IL22RA2: variants seen among roughly 807,000 people sequenced by gnomAD.
The protein encoded by IL22RA2 is interleukin 22 receptor subunit alpha 2.
IL22RA2 carries 39 observed loss-of-function variants against 30.7 expected under a neutral mutation model. The ratio of observed to expected loss-of-function variants is 1.27; its 90% CI spans 0.98 to 1.66. The LOEUF (loss-of-function observed/expected upper bound fraction) is 1.66. IL22RA2 is among the 40% of genes most tolerant of loss of function. The pLI is 0.00. For missense variants in IL22RA2, 315 were observed against 312.7 expected (o/e 1.01, Z -0.05); for synonymous variants, 103 against 105.0 (o/e 0.98, Z 0.11).
chr6:137,161,604 A>G, intron 2 of IL22RA2, 85 bp downstream of exon 2: 1 of 1,137,168 alleles, frequency 8.8e-7, no homozygotes, highest in South Asian at 1.3e-5. Context: ...AAAGTTCAAA[A>G]AAGCACCAGT....
intron 1 of IL22RA2, among the ~76,000 whole-genome samples, chr6:137,167,076 T>A (rs1778640231): frequency 6.6e-6 from 1 of 152,242 alleles, no homozygotes; most frequent in African/African-American, 2.4e-5. Flanking sequence ...ACCAGAATCT[T>A]ACTAAAGGAC....
intron 5 of IL22RA2, among the ~76,000 whole-genome samples, chr6:137,149,373 T>C (rs1429298578): frequency 6.6e-6 from 1 of 152,176 alleles, no homozygotes; most frequent in Non-Finnish European, 1.5e-5. Flanking sequence ...ACTCATAATC[T>C]CTATTACCTT....
chr6:137,146,173 A>C lies in IL22RA2; in HGVS notation c.643-400T>G, dbSNP rs1778174038. 1.3e-5 allele frequency among the ~76,000 whole-genome samples: 2 copies of C among 152,148 alleles called. 1 individual carries two copies. The highest frequency in any genetic ancestry group is 4.1e-4 in the South Asian group (2 of 4,830). On this transcript the variant is annotated intron_variant, in intron 6 of 6. Transcript: ENST00000296980. Reference sequence around the variant, plus strand: ...CAGCCTCCTGAGTAGCTGGGATTGCAGACGCATACCACCACGCCTGGCTAA... The same window carrying C: ...CAGCCTCCTGAGTAGCTGGGATTGCCGACGCATACCACCACGCCTGGCTAA...
rs1370403427 is a variant in IL22RA2, at chr6:137,145,723, T to C, written c.693A>G (p.Leu231=). The change falls in exon 7 of 7, where the codon CTA becomes CTG. Residue 231 remains leucine (L), a synonymous_variant. Coordinates refer to ENST00000296980, the MANE Select transcript of IL22RA2 (RefSeq NM_052962.3). ...CTACACAGTAGCTGGAGTGTGGTGT[T>C]AGAGCTTCAATTTCAACCGCTCTGT... ...GAHRAVEIEA[L]TPHSSYCVVA... 3.1e-6 allele frequency: 5 copies of C among 1,613,846 alleles called. No homozygotes were observed. The Admixed American group carries it at 6.7e-5, about 22-fold the overall frequency.
intron 2 of IL22RA2, among the ~76,000 whole-genome samples, chr6:137,159,294 G>A (rs1038425696): frequency 6.6e-6 from 1 of 152,070 alleles, no homozygotes; most frequent in Admixed American, 6.5e-5. Flanking sequence ...TAAGGGATAA[G>A]AAGTTGGGCA....
At chr6:137,151,911 CA>C (rs1353002596) in intron 5 of IL22RA2, among the ~76,000 whole-genome samples, 2 of 152,126 alleles carry the variant, frequency 1.3e-5, no homozygotes, top group East Asian at 3.8e-4. Context: ...GTGGAAAAAT[CA>C]AAACTCTCAT....
chr6:137,152,761 C>T (rs895120197), intron 5 of IL22RA2, among the ~76,000 whole-genome samples: 1 of 152,136 alleles, frequency 6.6e-6, no homozygotes, highest in African/African-American at 2.4e-5. Context: ...ATGCAGTGAC[C>T]ATCTATTTCC....
intron 1 of IL22RA2, among the ~76,000 whole-genome samples, chr6:137,171,204 A>C (rs748103200): frequency 6.6e-6 from 1 of 152,218 alleles, no homozygotes; most frequent in Non-Finnish European, 1.5e-5. Context: ...AGCAGCAAGG[A>C]TGCAGCAGCA....
chr6:137,152,383 G>C (rs1342379749), intron 5 of IL22RA2, among the ~76,000 whole-genome samples: 1 of 152,096 alleles, frequency 6.6e-6, no homozygotes, highest in Admixed American at 6.5e-5. Flanking sequence ...GTATTATTTG[G>C]TCACAAAAAA....
At position 137,147,762 on chromosome 6, in the gene IL22RA2, A is replaced by G. The variant is rs1012248054; in HGVS notation, c.602T>C (p.Leu201Pro). 3 of 1,592,334 alleles carry G rather than the reference A, an allele frequency of 1.9e-6. No homozygotes were observed. The highest frequency in any genetic ancestry group is 3.4e-5 in the Admixed American group (2 of 59,194). ...GTTAATTATAAAAACTCGGTATAGT[A>G]GTTCATAGTAATCTTCTATAGATAC... ...KNVSIEDYYE[L>P]LYRVFIINNS... is the part of the protein sequence containing the mutation. The change falls in exon 6 of 7, where the codon CTA becomes CCA. Residue 201 changes from leucine to proline, a missense_variant. Coordinates refer to ENST00000296980, the MANE Select transcript of IL22RA2 (RefSeq NM_052962.3).
rs546242327 is a variant in IL22RA2, at chr6:137,173,437, T to G, written c.-90A>C. On this transcript the variant is annotated 5_prime_UTR_variant, in exon 1 of 7. Coordinates refer to ENST00000296980, the MANE Select transcript of IL22RA2 (RefSeq NM_052962.3). ...CCAGATGCTGTCTTCCTTTTGGTAA[T>G]TTTAATGCCATTTTAGTGTCAATAA... 13 of 152,370 alleles carry G rather than the reference T, an allele frequency of 8.5e-5. No individual in the cohort carries two copies. Among genetic ancestry groups the G allele is most frequent in the African/African-American group, 3.1e-4 (13 of 41,594 alleles). 9.4% of individuals were successfully genotyped at this position (152,370 alleles called of 1,614,324 possible). A position where few individuals can be genotyped will look rare whatever the true frequency, so the allele number is the denominator to read the frequency against.
chr6:137,167,495 G>A (rs1365021294), intron 1 of IL22RA2, among the ~76,000 whole-genome samples: 1 of 152,182 alleles, frequency 6.6e-6, no homozygotes, highest in Non-Finnish European at 1.5e-5. Context: ...TGCAAGGATG[G>A]GTAAGAGAAA....
At position 137,145,575 on chromosome 6, in the gene IL22RA2, C is replaced by G. The variant is rs771511377; in HGVS notation, c.*49G>C. On this transcript the variant is annotated 3_prime_UTR_variant, in exon 7 of 7. Transcript: ENST00000296980. Reference sequence around the variant, plus strand: ...TCCTTCAAACACGAGTCATCCTGTTCTCAGGGAGCTTTAGAATTTCCACAT... The same window carrying G: ...TCCTTCAAACACGAGTCATCCTGTTGTCAGGGAGCTTTAGAATTTCCACAT... 5 of 1,550,750 alleles carry G rather than the reference C, an allele frequency of 3.2e-6. No individual in the cohort carries two copies. In the East Asian group the frequency reaches 1.1e-4, roughly 35 times the overall value.
chr6:137,147,972 G>A (rs1294831677), intron 5 of IL22RA2, 81 bp from the exon 6 acceptor site: 1 of 1,308,380 alleles, frequency 7.6e-7, no homozygotes, highest in African/African-American at 1.5e-5. Context: ...TGACAAATCA[G>A]CATGGTGGGA....
chr6:137,171,046 T>C (rs1778724409), intron 1 of IL22RA2, among the ~76,000 whole-genome samples: 1 of 152,216 alleles, frequency 6.6e-6, no homozygotes, highest in South Asian at 2.1e-4. Context: ...GGTTTCTATT[T>C]TCTCTTGTAT....
intron 5 of IL22RA2, among the ~76,000 whole-genome samples, chr6:137,153,478 G>A (rs993935898): frequency 2.0e-5 from 3 of 152,078 alleles, no homozygotes; most frequent in African/African-American, 7.2e-5. Context: ...AGTAGAAGTG[G>A]GAGGGGCAAC....
At chr6:137,152,244 A>G (rs1778306728) in intron 5 of IL22RA2, among the ~76,000 whole-genome samples, 1 of 152,152 alleles carries the variant, frequency 6.6e-6, no homozygotes, top group Non-Finnish European at 1.5e-5. Context: ...AAAAACAAAA[A>G]AACTCACACT....
chr6:137,161,329 T>C (rs1374646946), intron 2 of IL22RA2, among the ~76,000 whole-genome samples: 1 of 152,056 alleles, frequency 6.6e-6, no homozygotes, highest in East Asian at 1.9e-4. Context: ...CATGATTTAG[T>C]GTTCCTTCAA....
Position 137,145,783 on chromosome 6 carries a change from A to G in IL22RA2, c.643-10T>C. The G allele has an allele frequency of 6.2e-7, 1 of 1,613,512 alleles. No homozygotes were observed. The highest frequency in any genetic ancestry group is 1.3e-5 in the African/African-American group (1 of 75,032). ...CATAAACCTTTTGCTCCTACACACG[A>G]GAGAGAAAATAATCAGTTGGTAAAT... On this transcript the variant is annotated splice_polypyrimidine_tract_variant and intron_variant, in intron 6 of 6. Transcript: ENST00000296980.
Sources: gnomAD v4.1 joint callset for allele counts (sites outside exome capture counted in the v4.1 genomes callset) on GRCh38, gnomAD v4.1.1 for gene constraint, MANE v1.5 for transcripts, NCBI Gene and HGNC (gene_info 2026-07-23, HGNC 2026-07-21) for gene names.